The following LMO2 variants were observed in gnomAD, a reference collection of about 807,000 sequenced individuals.
LMO2 encodes LIM domain only 2.
A neutral mutation model predicts 23.2 loss-of-function variants in LMO2; 20 were observed. The observed-to-expected ratio is 0.86, with a 90% CI of 0.61 to 1.25. LMO2 has a LOEUF of 1.25. Among genes scored for constraint, LMO2 ranks in the 50% most tolerant of loss-of-function variants. LMO2 has a pLI of 0.00. For missense variants in LMO2, 270 were observed against 315.3 expected (o/e 0.86, Z 1.09); for synonymous variants, 123 against 130.2 (o/e 0.94, Z 0.38).
intron 1 of LMO2, among the ~76,000 whole-genome samples, chr11:33,888,317 G>A (rs971936875): frequency 6.6e-6 from 1 of 152,030 alleles, no homozygotes; most frequent in African/African-American, 2.4e-5. Flanking sequence ...ACTGCCAGGG[G>A]GATCCTTTCA....
intron 2 of LMO2, among the ~76,000 whole-genome samples, chr11:33,879,951 A>G (rs1246435258): frequency 6.6e-6 from 1 of 152,090 alleles, no homozygotes; most frequent in East Asian, 1.9e-4. Flanking sequence ...TCCTCAAAAA[A>G]TTAAAAACAG....
chr11:33,869,628 G>A, intron 3 of LMO2, 42 bp from the exon 4 acceptor site: 2 of 1,259,748 alleles, frequency 1.6e-6, no homozygotes, highest in South Asian at 2.4e-5. Flanking sequence ...CGGGCTGCGG[G>A]CGCGCCGCGG....
In LMO2 at chr11:33,865,550, C is replaced by T. The variant is rs146876509; in HGVS notation, c.249-733G>A. On this transcript the variant is annotated intron_variant, in intron 4 of 5. Coordinates refer to ENST00000257818, the MANE Select transcript of LMO2 (RefSeq NM_005574.4). ...CGTAAGGCCATTGTTACACGAAGGACATCAAATAGGCCTTTCTTTCCTTAC... is the reference window on the plus strand; with the variant it reads ...CGTAAGGCCATTGTTACACGAAGGATATCAAATAGGCCTTTCTTTCCTTAC... 1.4e-4 allele frequency among the ~76,000 whole-genome samples: 22 copies of T among 152,298 alleles called. No homozygotes were observed. The East Asian group carries it at 3.7e-3, about 25-fold the overall frequency.
chr11:33,880,909 C>T lies in LMO2; in HGVS notation c.-272+915G>A, dbSNP rs1049797919. 7 of 311,672 alleles carry T rather than the reference C, an allele frequency of 2.2e-5. No homozygotes were observed. The highest frequency in any genetic ancestry group is 4.4e-5 in the African/African-American group (2 of 45,592). The allele number at this position is 311,672 out of a possible 1,614,324, so 19.3% of individuals were successfully genotyped here. On this transcript the variant is annotated intron_variant, in intron 2 of 5. Coordinates refer to ENST00000257818, the MANE Select transcript of LMO2 (RefSeq NM_005574.4). This position sits in a 1 kb window ranked among gnomAD's most constrained non-coding sequence, Gnocchi z 4.3. ...CAATCCCTGCCCACTTAGGACTTTT[C>T]GAATAGTGCTCATCCCTGACTTCTG...
intron 5 of LMO2, among the ~76,000 whole-genome samples, chr11:33,859,960 A>C (rs982590617): frequency 6.6e-6 from 1 of 152,098 alleles, no homozygotes; most frequent in South Asian, 2.1e-4. Context: ...GAGCAGCTGG[A>C]GAGAGACCCT....
rs1452466320 is a variant in LMO2 at position 33,859,179 on chromosome 11, G to C, written c.*177C>G. 1.2e-5 allele frequency: 7 copies of C among 576,090 alleles called. No individual in the cohort carries two copies. Among genetic ancestry groups the C allele is most frequent in the Non-Finnish European group, 1.2e-5 (4 of 320,300 alleles). The allele number at this position is 576,090 out of a possible 1,614,324, so 35.7% of individuals were successfully genotyped here. A position where few individuals can be genotyped will look rare whatever the true frequency, so the allele number is the denominator to read the frequency against. On this transcript the variant is annotated 3_prime_UTR_variant, in exon 6 of 6. Coordinates refer to ENST00000257818, the MANE Select transcript of LMO2 (RefSeq NM_005574.4). ...GTCCTTCTGTCACCTTGAAGTGTCA[G>C]CCCCTGAATTATGCCACTTGGATGC...
chr11:33,888,593 T>C (rs1383200959), intron 1 of LMO2, among the ~76,000 whole-genome samples: 1 of 152,204 alleles, frequency 6.6e-6, no homozygotes, highest in Non-Finnish European at 1.5e-5. Flanking sequence ...GTTCTTCTTA[T>C]TAGAAAGGTC....
At position 33,859,667 on chromosome 11, in the gene LMO2, C is replaced by T. The variant is rs1856497534; in HGVS notation, c.465-92G>A. 2.0e-5 allele frequency: 23 copies of T among 1,170,784 alleles called. No individual in the cohort carries two copies. The Admixed American group carries it at 5.3e-4, about 27-fold the overall frequency. The allele number at this position is 1,170,784 out of a possible 1,614,324, so 72.5% of individuals were successfully genotyped here. A position where few individuals can be genotyped will look rare whatever the true frequency, so the allele number is the denominator to read the frequency against. On this transcript the variant is annotated intron_variant, in intron 5 of 5. Transcript: ENST00000257818. ...GATGAGCCCTAGAAAGGAGGCCGAACTTTCAGGATGTCAGGAAGCCAGGGA... is the reference window on the plus strand; with the variant it reads ...GATGAGCCCTAGAAAGGAGGCCGAATTTTCAGGATGTCAGGAAGCCAGGGA...
rs1340149555 is a variant in LMO2 at position 33,859,443 on chromosome 11, A to G, written c.597T>C (p.Cys199=). Residue 199 remains cysteine (C), a synonymous_variant, in exon 6 of 6, where the codon TGT becomes TGC. Coordinates refer to ENST00000257818, the MANE Select transcript of LMO2 (RefSeq NM_005574.4). ...TGATGAGGAGGTATCTGTCACCTAC[A>G]CAGAAATGCTTCTGACAGGCGGCGC... ...FKCAACQKHF[C]VGDRYLLINS... is the part of the protein sequence containing the mutation. 2.5e-6 allele frequency: 4 copies of G among 1,614,008 alleles called. No individual in the cohort carries two copies. The East Asian group carries it at 6.7e-5, about 27-fold the overall frequency.
intron 4 of LMO2, chr11:33,865,058 G>C (rs964224677): frequency 5.3e-6 from 3 of 570,076 alleles, no homozygotes; most frequent in Non-Finnish European, 6.4e-6. Flanking sequence ...AGGGCACCAA[G>C]AGGCATCAAA....
At chr11:33,860,764 T>C (rs1856542289) in intron 5 of LMO2, among the ~76,000 whole-genome samples, 1 of 151,954 alleles carries the variant, frequency 6.6e-6, no homozygotes, top group Non-Finnish European at 1.5e-5. Flanking sequence ...AGCCATACCT[T>C]GACTCAAAAG....
chr11:33,885,223 C>A (rs1350346967), intron 1 of LMO2, among the ~76,000 whole-genome samples: 3 of 152,148 alleles, frequency 2.0e-5, no homozygotes, highest in Non-Finnish European at 2.9e-5. Context: ...CCCTCTGGGG[C>A]TTCCAATCTC....
At chr11:33,883,995 A>T (rs1009349113) in intron 1 of LMO2, among the ~76,000 whole-genome samples, 7 of 152,180 alleles carry the variant, frequency 4.6e-5, no homozygotes, top group Non-Finnish European at 1.0e-4. Context: ...TGGTTGCAGA[A>T]TTGGACCATA....
chr11:33,877,516 G>C (rs1224555076), intron 2 of LMO2, among the ~76,000 whole-genome samples: 1 of 145,216 alleles, frequency 6.9e-6, no homozygotes, highest in African/African-American at 2.6e-5. Context: ...CCAGGCTGGA[G>C]TGCGGTGGCG....
Position 33,859,185 on chromosome 11 carries a change from G to A in LMO2, c.*171C>T. 1.4e-5 allele frequency: 8 copies of A among 585,440 alleles called. 1 individual carries two copies. The highest frequency in any genetic ancestry group is 2.1e-5 in the Non-Finnish European group (7 of 326,110). 36.3% of individuals were successfully genotyped at this position (585,440 alleles called of 1,614,324 possible). ...CTGTCACCTTGAAGTGTCAGCCCCT[G>A]AATTATGCCACTTGGATGCTATGTC... On this transcript the variant is annotated 3_prime_UTR_variant, in exon 6 of 6. Transcript: ENST00000257818.
chr11:33,861,543 T>A (rs1356340320), intron 5 of LMO2, among the ~76,000 whole-genome samples: 2 of 152,128 alleles, frequency 1.3e-5, no homozygotes, highest in Non-Finnish European at 1.5e-5. Context: ...GGGGAGAACA[T>A]TTTATCCCAA....
chr11:33,881,816 C>T lies in LMO2; in HGVS notation c.-272+8G>A, dbSNP rs1480849301. On this transcript the variant is annotated splice_region_variant and intron_variant, in intron 2 of 5. Coordinates refer to ENST00000257818, the MANE Select transcript of LMO2 (RefSeq NM_005574.4). ...AATGAACAAATGAATTAATGAAACCCACCTTACCTGCCTCTCCACTAGCTA... is the reference window on the plus strand; with the variant it reads ...AATGAACAAATGAATTAATGAAACCTACCTTACCTGCCTCTCCACTAGCTA... 1 of 181,368 alleles carries T rather than the reference C, an allele frequency of 5.5e-6. No homozygotes were observed. The highest frequency in any genetic ancestry group is 1.6e-4 in the East Asian group (1 of 6,390). The allele number at this position is 181,368 out of a possible 1,614,324, so 11.2% of individuals were successfully genotyped here. A position where few individuals can be genotyped will look rare whatever the true frequency, so the allele number is the denominator to read the frequency against.
At chr11:33,865,035 A>G in intron 4 of LMO2, 1 of 603,978 alleles carries the variant, frequency 1.7e-6, no homozygotes, top group South Asian at 1.9e-5. Flanking sequence ...CTAGATGTCT[A>G]AGAAGTAAAC....
chr11:33,860,799 C>CA (rs1400446705), intron 5 of LMO2, among the ~76,000 whole-genome samples: 1 of 151,978 alleles, frequency 6.6e-6, no homozygotes, highest in African/African-American at 2.4e-5. Context: ...AACAAACAAA[C>CA]AAAAAAACAA....
Sources: allele counts gnomAD v4.1 joint callset (sites outside exome capture counted in the v4.1 genomes callset), GRCh38; gene constraint gnomAD v4.1.1; non-coding constraint Gnocchi (gnomAD v3.1); transcripts MANE v1.5; gene names NCBI Gene and HGNC (gene_info 2026-07-23, HGNC 2026-07-21).